Variants in DERA observed in about 807,000 individuals in gnomAD.
DERA encodes the protein deoxyribose-phosphate aldolase, also known as 2-deoxy-D-ribose 5-phosphate aldolase.
DERA carries 15 observed loss-of-function variants against 41.1 expected under a neutral mutation model. The ratio of observed to expected loss-of-function variants is 0.37; its 90% CI spans 0.24 to 0.56. DERA has a LOEUF of 0.56. DERA is among the 20% of genes least tolerant of loss of function. The probability of loss-of-function intolerance (pLI) is 0.81; values close to 1 mark genes in which losing one functional copy is unlikely to be tolerated. For synonymous variants in DERA, 139 were observed against 137.4 expected (o/e 1.01, Z -0.08); for missense variants, 396 against 403.4 (o/e 0.98, Z 0.16).
intron 1 of DERA, among the ~76,000 whole-genome samples, chr12:15,912,720 G>A (rs1948173399): frequency 6.6e-6 from 1 of 152,142 alleles, no homozygotes; most frequent in Admixed American, 6.5e-5. Flanking sequence ...TGAGAAAATT[G>A]GCTGTAAATT....
rs909025217 is a variant in DERA, at chr12:15,921,855, G to A, written c.31+10441G>A. ...GTAGGAGAATCGCTTGAACCCAGGA[G>A]GCAGAGGTTGCAGTGAGCCGAGATC... On this transcript the variant is annotated intron_variant, in intron 1 of 8. Coordinates refer to ENST00000428559, the MANE Select transcript of DERA (RefSeq NM_015954.4). The surrounding 1 kb of genome is among the most constrained non-coding windows in gnomAD (Gnocchi z 5.3). 2.0e-5 allele frequency among the ~76,000 whole-genome samples: 3 copies of A among 152,146 alleles called. No homozygotes were observed. Among genetic ancestry groups the A allele is most frequent in the African/African-American group, 7.2e-5 (3 of 41,416 alleles).
rs150867503 is a variant in DERA, at chr12:15,917,793, T to TA, written c.31+6381dup. Among the ~76,000 whole-genome samples the TA allele has an allele frequency of 8.3e-3, 1,267 of 152,276 alleles. 19 individuals are homozygous for TA. Among genetic ancestry groups the TA allele is most frequent in the African/African-American group, 0.029 (1,202 of 41,530 alleles). On this transcript the variant is annotated intron_variant, in intron 1 of 8. Transcript: ENST00000428559. ...AACAAGGTATTTCTGGCTTATCTTA[T>TA]AATTTCCCTTTCCCAGCACCAAAGT...
rs74063613 is a variant in DERA at position 16,008,319 on chromosome 12, A to G, written c.638-24223A>G. On this transcript the variant is annotated intron_variant, in intron 6 of 8. Coordinates refer to ENST00000428559, the MANE Select transcript of DERA (RefSeq NM_015954.4). The surrounding 1 kb of genome is among the most constrained non-coding windows in gnomAD (Gnocchi z 4.8). ...CCTAATATTTCCTAATAGCTTTCTC[A>G]AATCTCTCCTGCCTTGGTCCTTTCC... 0.051 allele frequency among the ~76,000 whole-genome samples: 7,722 copies of G among 152,260 alleles called. 610 individuals carry two copies. Among genetic ancestry groups the G allele is most frequent in the African/African-American group, 0.16 (6,685 of 41,534 alleles).
At chr12:15,980,082 T>A (rs1432911084) in intron 5 of DERA, among the ~76,000 whole-genome samples, 1 of 152,262 alleles carries the variant, frequency 6.6e-6, no homozygotes, top group Non-Finnish European at 1.5e-5. Context: ...AAGATTTGAC[T>A]TTTATAACAC....
chr12:16,031,004 C>A (rs1203262591), intron 6 of DERA, among the ~76,000 whole-genome samples: 1 of 152,238 alleles, frequency 6.6e-6, no homozygotes, highest in Non-Finnish European at 1.5e-5. Flanking sequence ...TAAGTCCTTG[C>A]TTCATTTCTC....
Position 15,966,910 on chromosome 12 carries a change from C to T in DERA, c.508+3963C>T, listed in dbSNP as rs1282653131. ...AACCAAACCTCCTGAGCACCAGGAC[C>T]ACCTGGACCCGGGGCCACCTGCTCC... On this transcript the variant is annotated intron_variant, in intron 5 of 8. Coordinates refer to ENST00000428559, the MANE Select transcript of DERA (RefSeq NM_015954.4). This position sits in a 1 kb window ranked among gnomAD's most constrained non-coding sequence, Gnocchi z 5.1. Among the ~76,000 whole-genome samples the T allele has an allele frequency of 6.6e-6, 1 of 152,152 alleles. No individual in the cohort carries two copies. The highest frequency in any genetic ancestry group is 1.5e-5 in the Non-Finnish European group (1 of 68,034).
At chr12:16,023,273 G>A (rs1949028266) in intron 6 of DERA, among the ~76,000 whole-genome samples, 1 of 152,092 alleles carries the variant, frequency 6.6e-6, no homozygotes, top group East Asian at 1.9e-4. Context: ...AAAGAGGGGA[G>A]ATAAAAACAA....
intron 1 of DERA, among the ~76,000 whole-genome samples, chr12:15,949,850 G>A (rs892797333): frequency 6.6e-6 from 1 of 152,132 alleles, no homozygotes; most frequent in Non-Finnish European, 1.5e-5. Context: ...CCACCTACCT[G>A]TTTCTTCTTT....
chr12:15,952,723 T>C (rs1948507854), intron 1 of DERA, among the ~76,000 whole-genome samples: 2 of 152,252 alleles, frequency 1.3e-5, no homozygotes, highest in Admixed American at 6.5e-5. Flanking sequence ...ATTTGGACTA[T>C]CCACATTTCA....
intron 6 of DERA, among the ~76,000 whole-genome samples, chr12:16,023,578 C>G (rs901877753): frequency 6.8e-6 from 1 of 147,626 alleles, no homozygotes; most frequent in Non-Finnish European, 1.5e-5. Context: ...CCCGGGTTCA[C>G]GCCATTCTCC....
intron 6 of DERA, among the ~76,000 whole-genome samples, chr12:16,005,812 T>C (rs1018221570): frequency 1.3e-5 from 2 of 152,236 alleles, no homozygotes; most frequent in African/African-American, 4.8e-5. Flanking sequence ...TGAATAGTTA[T>C]TAGGTTAAGT....
chr12:15,953,121 A>G (rs923855618), intron 1 of DERA, among the ~76,000 whole-genome samples: 2 of 152,176 alleles, frequency 1.3e-5, no homozygotes, highest in African/African-American at 4.8e-5. Flanking sequence ...TAGACTGAGA[A>G]ACAATGCTTT....
At position 15,922,385 on chromosome 12, in the gene DERA, C is replaced by T. The variant is rs187540106; in HGVS notation, c.31+10971C>T. On this transcript the variant is annotated intron_variant, in intron 1 of 8. Coordinates refer to ENST00000428559, the MANE Select transcript of DERA (RefSeq NM_015954.4). This position sits in a 1 kb window ranked among gnomAD's most constrained non-coding sequence, Gnocchi z 4.9. ...TCATATGGATTTTTATTAGTGAAAA[C>T]ATTTCCATAGATCTGTCTCCAGCAA... Among the ~76,000 whole-genome samples, 7 of 152,180 alleles carry T rather than the reference C, an allele frequency of 4.6e-5. No homozygotes were observed. The East Asian group carries it at 1.4e-3, about 29-fold the overall frequency.
At chr12:15,979,089 ACTT>A (rs1487711115) in intron 5 of DERA, among the ~76,000 whole-genome samples, 7 of 152,208 alleles carry the variant, frequency 4.6e-5, no homozygotes, top group Non-Finnish European at 1.0e-4. Flanking sequence ...ACAATACTAT[ACTT>A]CTTCAGTAAA....
At position 16,010,161 on chromosome 12, in the gene DERA, C is replaced by T. The variant is rs939882967; in HGVS notation, c.638-22381C>T. 1.3e-5 allele frequency among the ~76,000 whole-genome samples: 2 copies of T among 152,124 alleles called. No individual in the cohort carries two copies. The highest frequency in any genetic ancestry group is 2.9e-5 in the Non-Finnish European group (2 of 68,032). On this transcript the variant is annotated intron_variant, in intron 6 of 8. Coordinates refer to ENST00000428559, the MANE Select transcript of DERA (RefSeq NM_015954.4). This position sits in a 1 kb window ranked among gnomAD's most constrained non-coding sequence, Gnocchi z 5.5. ...AATATAGCATGTGAGCATATATATTCGTGGGCAAGGCAGTGCCTTGAAAAC... is the reference window on the plus strand; with the variant it reads ...AATATAGCATGTGAGCATATATATTTGTGGGCAAGGCAGTGCCTTGAAAAC...
At position 15,918,766 on chromosome 12, in the gene DERA, C is replaced by T. The variant is rs1369601541; in HGVS notation, c.31+7352C>T. On this transcript the variant is annotated intron_variant, in intron 1 of 8. Transcript: ENST00000428559. This position sits in a 1 kb window ranked among gnomAD's most constrained non-coding sequence, Gnocchi z 4.3. ...ACATACGGCATGTTAAAACTGACAA[C>T]AGGAACGTGGTGGGATTGGAAGGAT... Among the ~76,000 whole-genome samples, 2 of 152,174 alleles carry T rather than the reference C, an allele frequency of 1.3e-5. No individual in the cohort carries two copies. The highest frequency in any genetic ancestry group is 3.9e-4 in the East Asian group (2 of 5,168).
In DERA at chr12:15,918,831, G is replaced by T. The variant is rs1948220922; in HGVS notation, c.31+7417G>T. On this transcript the variant is annotated intron_variant, in intron 1 of 8. Coordinates refer to ENST00000428559, the MANE Select transcript of DERA (RefSeq NM_015954.4). This position sits in a 1 kb window ranked among gnomAD's most constrained non-coding sequence, Gnocchi z 4.3. Reference sequence around the variant, plus strand: ...AGACAGTCCAGGGAGGGTTTTTTTGGAGAGGATGTTTCTGACGGAGTAGTT... The same window carrying T: ...AGACAGTCCAGGGAGGGTTTTTTTGTAGAGGATGTTTCTGACGGAGTAGTT... Among the ~76,000 whole-genome samples, 1 of 152,176 alleles carries T rather than the reference G, an allele frequency of 6.6e-6. No individual in the cohort carries two copies. Among genetic ancestry groups the T allele is most frequent in the Non-Finnish European group, 1.5e-5 (1 of 68,040 alleles).
chr12:16,023,696 C>G (rs893125459), intron 6 of DERA, among the ~76,000 whole-genome samples: 2 of 151,854 alleles, frequency 1.3e-5, no homozygotes, highest in Non-Finnish European at 2.9e-5. Context: ...CCGGGATGGT[C>G]TCGATCTCCT....
rs1165497272 is a variant in DERA at position 15,966,524 on chromosome 12, A to G, written c.508+3577A>G. Among the ~76,000 whole-genome samples, 3 of 152,178 alleles carry G rather than the reference A, an allele frequency of 2.0e-5. No individual in the cohort carries two copies. Among genetic ancestry groups the G allele is most frequent in the Non-Finnish European group, 4.4e-5 (3 of 68,028 alleles). ...TTATTTGTTTGTCTTGAGAAGTTCAAACTAATATACTAATGACCTGTCATC... is the reference window on the plus strand; with the variant it reads ...TTATTTGTTTGTCTTGAGAAGTTCAGACTAATATACTAATGACCTGTCATC... On this transcript the variant is annotated intron_variant, in intron 5 of 8. Coordinates refer to ENST00000428559, the MANE Select transcript of DERA (RefSeq NM_015954.4). This position sits in a 1 kb window ranked among gnomAD's most constrained non-coding sequence, Gnocchi z 5.1.
Sources: gnomAD v4.1 joint callset for allele counts (sites outside exome capture counted in the v4.1 genomes callset) on GRCh38, gnomAD v4.1.1 for gene constraint, Gnocchi (gnomAD v3.1) non-coding constraint, MANE v1.5 for transcripts, NCBI Gene and HGNC (gene_info 2026-07-23, HGNC 2026-07-21) for gene names.